Variants in CSNK1G3 observed in about 807,000 individuals in gnomAD.
CSNK1G3 encodes the protein casein kinase I isoform gamma-3.
A neutral mutation model predicts 64.3 loss-of-function variants in CSNK1G3; 23 were observed. That is an observed-to-expected ratio of 0.36 (90% CI 0.26 to 0.51). The LOEUF (loss-of-function observed/expected upper bound fraction) is 0.51, where lower values mean the gene tolerates loss of function less well. CSNK1G3 is among the 20% of genes least tolerant of loss of function. The pLI is 0.96. For missense variants in CSNK1G3, 357 were observed against 510.5 expected (o/e 0.70, Z 2.90); for synonymous variants, 158 against 162.2 (o/e 0.97, Z 0.20).
chr5:123,533,610 T>C (rs1410897452), intron 1 of CSNK1G3, among the ~76,000 whole-genome samples: 2 of 151,682 alleles, frequency 1.3e-5, no homozygotes, highest in Non-Finnish European at 1.5e-5. Flanking sequence ...TTAATGTCTT[T>C]ATATTTTTGT....
At chr5:123,581,450 C>G (rs1239761343) in intron 6 of CSNK1G3, among the ~76,000 whole-genome samples, 2 of 131,348 alleles carry the variant, frequency 1.5e-5, no homozygotes, top group Admixed American at 8.7e-5. Context: ...CAACACTTTG[C>G]TTTTCTCTAC....
At chr5:123,550,172 A>T (rs1479926777) in intron 2 of CSNK1G3, among the ~76,000 whole-genome samples, 1 of 152,216 alleles carries the variant, frequency 6.6e-6, no homozygotes, top group Non-Finnish European at 1.5e-5. Context: ...GTAACGAAAA[A>T]TTCCAATATA....
chr5:123,577,375 A>G (rs1191190665), intron 6 of CSNK1G3, among the ~76,000 whole-genome samples: 2 of 152,120 alleles, frequency 1.3e-5, no homozygotes, highest in South Asian at 2.1e-4. Flanking sequence ...GTATATACAT[A>G]CACACATAGA....
intron 10 of CSNK1G3, among the ~76,000 whole-genome samples, chr5:123,599,505 T>G (rs1468644146): frequency 1.3e-5 from 2 of 152,252 alleles, no homozygotes; most frequent in Admixed American, 1.3e-4. Context: ...TATCTTGAGA[T>G]GATAATAAAT....
intron 1 of CSNK1G3, among the ~76,000 whole-genome samples, chr5:123,530,413 T>C (rs1779738404): frequency 6.6e-6 from 1 of 152,220 alleles, no homozygotes; most frequent in Admixed American, 6.5e-5. Context: ...GATACTCCTG[T>C]GCCATAATAC....
chr5:123,568,960 A>T (rs866225584), intron 4 of CSNK1G3, among the ~76,000 whole-genome samples: 14 of 152,374 alleles, frequency 9.2e-5, no homozygotes, highest in Middle Eastern at 6.8e-3. Flanking sequence ...AATGATGTAT[A>T]ACATGACGAC....
At chr5:123,526,460 A>G (rs1158389617) in intron 1 of CSNK1G3, among the ~76,000 whole-genome samples, 3 of 152,032 alleles carry the variant, frequency 2.0e-5, no homozygotes, top group Non-Finnish European at 2.9e-5. Flanking sequence ...TAGCATTTCA[A>G]TTAGTTATGA....
intron 4 of CSNK1G3, among the ~76,000 whole-genome samples, chr5:123,560,119 A>C: frequency 6.6e-6 from 1 of 152,214 alleles, no homozygotes; most frequent in East Asian, 1.9e-4. Context: ...AAACATAAAA[A>C]AATGCTCAAC....
chr5:123,539,437 TA>T (rs375475060), intron 1 of CSNK1G3, among the ~76,000 whole-genome samples: 4,295 of 133,202 alleles, frequency 0.032, 103 homozygotes, highest in Non-Finnish European at 0.05. Context: ...AAGAGCAGAT[TA>T]AAAAAAAAAA....
chr5:123,585,235 T>C (rs1791097673), intron 6 of CSNK1G3, among the ~76,000 whole-genome samples: 2 of 152,138 alleles, frequency 1.3e-5, no homozygotes, highest in Non-Finnish European at 2.9e-5. Flanking sequence ...GCCAAGAAAC[T>C]ATATGAGAGT....
rs773515715 is a variant in CSNK1G3, at chr5:123,595,148, T to G, written c.1086+3734T>G. ...GGCTCGGTACAGGTATTTTCTGATTTTTGCATGAGTGATTATTACCCAGAT... is the reference window on the plus strand; with the variant it reads ...GGCTCGGTACAGGTATTTTCTGATTGTTGCATGAGTGATTATTACCCAGAT... On this transcript the variant is annotated intron_variant, in intron 10 of 12. Transcript: ENST00000345990. 37 of 1,609,280 alleles carry G rather than the reference T, an allele frequency of 2.3e-5. No homozygotes were observed. The highest frequency in any genetic ancestry group is 3.1e-5 in the Non-Finnish European group (36 of 1,176,512).
chr5:123,588,694 G>A (rs957933887), intron 8 of CSNK1G3, among the ~76,000 whole-genome samples, 183 bp downstream of exon 8: 1 of 152,004 alleles, frequency 6.6e-6, no homozygotes, highest in African/African-American at 2.4e-5. Flanking sequence ...CTTTGCAAAT[G>A]GTATTAATAG....
chr5:123,577,450 AT>A (rs1789398674), intron 6 of CSNK1G3, among the ~76,000 whole-genome samples: 1 of 152,086 alleles, frequency 6.6e-6, no homozygotes, highest in Non-Finnish European at 1.5e-5. Flanking sequence ...TCTGTTAAAA[AT>A]TTTGAGTTTA....
chr5:123,530,122 C>A (rs1011098303), intron 1 of CSNK1G3, among the ~76,000 whole-genome samples: 11 of 151,882 alleles, frequency 7.2e-5, no homozygotes, highest in African/African-American at 2.7e-4. Context: ...ATATTTCCTC[C>A]CCTTCCAACT....
rs369908483 is a variant in CSNK1G3 at position 123,595,153 on chromosome 5, A to G, written c.1086+3739A>G. The G allele has an allele frequency of 2.5e-6, 4 of 1,603,992 alleles. No individual in the cohort carries two copies. Among genetic ancestry groups the G allele is most frequent in the Middle Eastern group, 1.7e-4 (1 of 6,056 alleles). The stretch of plus-strand genomic sequence containing the variant: ...GGTACAGGTATTTTCTGATTTTTGC[A>G]TGAGTGATTATTACCCAGATTTATA... On this transcript the variant is annotated intron_variant, in intron 10 of 12. Transcript: ENST00000345990.
intron 4 of CSNK1G3, among the ~76,000 whole-genome samples, chr5:123,563,184 T>G (rs1786125524): frequency 6.6e-6 from 1 of 152,064 alleles, no homozygotes; most frequent in Admixed American, 6.6e-5. Flanking sequence ...TCTTTTTCTC[T>G]GTCATAAATT....
At chr5:123,517,829 C>G (rs1284771491) in intron 1 of CSNK1G3, among the ~76,000 whole-genome samples, 1 of 151,512 alleles carries the variant, frequency 6.6e-6, no homozygotes, top group Non-Finnish European at 1.5e-5. Context: ...AACTTCAGAA[C>G]CATTTATTAA....
At chr5:123,540,509 AATTAGATTTTTTTCTAATTTCTCTT>A (rs1781510826) in intron 1 of CSNK1G3, among the ~76,000 whole-genome samples, 1 of 152,104 alleles carries the variant, frequency 6.6e-6, no homozygotes, top group South Asian at 2.1e-4. Flanking sequence ...TAGAATTGCA[AATTAGATTTTTTTCTAATTTCTCTT>A]GTGATTTTTT....
chr5:123,588,318 C>T, intron 7 of CSNK1G3, 109 bp from the exon 8 acceptor site: 1 of 1,077,426 alleles, frequency 9.3e-7, no homozygotes, highest in Admixed American at 1.9e-5. Context: ...CTCAAGCATT[C>T]CTTCTGCCTT....
Sources: allele counts gnomAD v4.1 joint callset (sites outside exome capture counted in the v4.1 genomes callset), GRCh38; gene constraint gnomAD v4.1.1; transcripts MANE v1.5; gene names NCBI Gene and HGNC (gene_info 2026-07-23, HGNC 2026-07-21).